Variants in GRIA3 observed in about 807,000 individuals in gnomAD.
The protein encoded by GRIA3 is glutamate ionotropic receptor AMPA type subunit 3.
A neutral mutation model predicts 63.0 loss-of-function variants in GRIA3; 3 were observed. The ratio of observed to expected loss-of-function variants is 0.05; its 90% CI spans 0.02 to 0.12. GRIA3 has a LOEUF of 0.12. Among genes scored for constraint, GRIA3 ranks in the 10% least tolerant of loss-of-function variants. The probability of loss-of-function intolerance (pLI) is 1.00; values close to 1 mark genes in which losing one functional copy is unlikely to be tolerated. For missense variants in GRIA3, 347 were observed against 700.9 expected (o/e 0.50, Z 5.70); for synonymous variants, 274 against 257.9 (o/e 1.06, Z -0.60).
intron 3 of GRIA3, among the ~76,000 whole-genome samples, chrX:123,258,368 A>G (rs1426729226): frequency 1.8e-5 from 2 of 112,752 alleles, no homozygotes; most frequent in Non-Finnish European, 3.7e-5. Flanking sequence ...TTCTGTGAAT[A>G]CAGAACCATA....
chrX:123,209,561 C>T (rs1397116807), intron 2 of GRIA3, among the ~76,000 whole-genome samples: 1 of 111,727 alleles, frequency 9.0e-6, no homozygotes, highest in Non-Finnish European at 1.9e-5. Context: ...CTGAAATGCC[C>T]ACCTAAACTT....
At chrX:123,244,219 T>G (rs1358638400) in intron 2 of GRIA3, among the ~76,000 whole-genome samples, 1 of 112,067 alleles carries the variant, frequency 8.9e-6, no homozygotes, top group East Asian at 2.8e-4. Flanking sequence ...AATCATCAGC[T>G]GGAGAATGGG....
intron 2 of GRIA3, among the ~76,000 whole-genome samples, chrX:123,251,703 G>C (rs1008462596): frequency 9.0e-6 from 1 of 111,528 alleles, no homozygotes; most frequent in African/African-American, 3.3e-5. Flanking sequence ...CAAAGTGCTG[G>C]GATTACAGGC....
chrX:123,234,296 C>A (rs2044291260), intron 2 of GRIA3, among the ~76,000 whole-genome samples: 1 of 111,608 alleles, frequency 9.0e-6, no homozygotes, highest in African/African-American at 3.3e-5. Flanking sequence ...GAATCCATCC[C>A]TTCCACACAC....
At chrX:123,442,597 A>G (rs374857114) in intron 12 of GRIA3, among the ~76,000 whole-genome samples, 7 of 111,765 alleles carry the variant, frequency 6.3e-5, no homozygotes, top group African/African-American at 2.3e-4. Context: ...TAGAGGACTC[A>G]GTAATCTGAT....
rs748489459 is a variant in GRIA3 at position 123,291,443 on chromosome X, T to C, written c.509-34583T>C. On this transcript the variant is annotated intron_variant, in intron 3 of 15. Coordinates refer to ENST00000620443, the MANE Select transcript of GRIA3 (RefSeq NM_007325.5). ...GAGAGGGAGAGAAGAAGGCAAGAGTTGAAAAACTGTTGGGTGCTATGCTCA... is the reference window on the plus strand; with the variant it reads ...GAGAGGGAGAGAAGAAGGCAAGAGTCGAAAAACTGTTGGGTGCTATGCTCA... Among the ~76,000 whole-genome samples the C allele has an allele frequency of 9.0e-5, 10 of 110,541 alleles. No homozygotes were observed. In the South Asian group the frequency reaches 3.5e-3, roughly 39 times the overall value.
chrX:123,191,530 G>T (rs1927434138), intron 2 of GRIA3, among the ~76,000 whole-genome samples: 1 of 111,490 alleles, frequency 9.0e-6, no homozygotes, highest in Admixed American at 9.5e-5. Context: ...GATAGAAATT[G>T]TCTTCCTCAT....
chrX:123,322,942 A>G (rs1480500738), intron 3 of GRIA3, among the ~76,000 whole-genome samples: 2 of 112,450 alleles, frequency 1.8e-5, no homozygotes, highest in Admixed American at 9.4e-5. Flanking sequence ...AAAGTATAAA[A>G]AGATTTGTAA....
chrX:123,235,932 C>T (rs768398981), intron 2 of GRIA3, among the ~76,000 whole-genome samples: 2 of 110,984 alleles, frequency 1.8e-5, no homozygotes, highest in Admixed American at 9.6e-5. Flanking sequence ...ATCTAGAGGT[C>T]ATCTCTTTGC....
In GRIA3 at chrX:123,438,724, T is replaced by C. The variant is rs1171599720; in HGVS notation, c.2076+10585T>C. 2.7e-5 allele frequency among the ~76,000 whole-genome samples: 3 copies of C among 112,242 alleles called. No homozygotes were observed. In the Admixed American group the frequency reaches 2.8e-4, roughly 11 times the overall value. Reference sequence around the variant, plus strand: ...TTTTAGTAGAGATGTGTTTTTACCATGTTGGCCCCTGACCTCGTGATCTGC... The same window carrying C: ...TTTTAGTAGAGATGTGTTTTTACCACGTTGGCCCCTGACCTCGTGATCTGC... On this transcript the variant is annotated intron_variant, in intron 12 of 15. Coordinates refer to ENST00000620443, the MANE Select transcript of GRIA3 (RefSeq NM_007325.5).
intron 12 of GRIA3, among the ~76,000 whole-genome samples, chrX:123,464,256 A>C (rs2045823150): frequency 8.9e-6 from 1 of 111,806 alleles, no homozygotes; most frequent in African/African-American, 3.3e-5. Flanking sequence ...CGTACTCCAT[A>C]CCTTAGCATC....
intron 5 of GRIA3, among the ~76,000 whole-genome samples, chrX:123,355,810 T>G (rs1007479426): frequency 1.8e-5 from 2 of 112,396 alleles, no homozygotes; most frequent in African/African-American, 6.4e-5. Flanking sequence ...ATTGTAATTA[T>G]ATTCTTATAT....
chrX:123,444,235 GC>G (rs1455681602), intron 12 of GRIA3, among the ~76,000 whole-genome samples: 2 of 111,012 alleles, frequency 1.8e-5, no homozygotes, highest in Non-Finnish European at 3.8e-5. Flanking sequence ...GCTTCAGAGA[GC>G]CTCATGCCTC....
chrX:123,467,708 C>A (rs1345535702), intron 13 of GRIA3, among the ~76,000 whole-genome samples: 1 of 112,012 alleles, frequency 8.9e-6, no homozygotes, highest in Non-Finnish European at 1.9e-5. Context: ...CCACATGATG[C>A]CAAGTGCCCA....
At chrX:123,357,366 G>C (rs2045140229) in intron 5 of GRIA3, among the ~76,000 whole-genome samples, 1 of 109,418 alleles carries the variant, frequency 9.1e-6, no homozygotes, top group Non-Finnish European at 1.9e-5. Context: ...CCGATGATCT[G>C]TAAAGGCCTT....
intron 2 of GRIA3, among the ~76,000 whole-genome samples, chrX:123,220,229 T>A (rs1928258230): frequency 8.9e-6 from 1 of 112,086 alleles, no homozygotes; most frequent in African/African-American, 3.2e-5. Context: ...CTATTCAAGG[T>A]CATATGGTGA....
intron 4 of GRIA3, among the ~76,000 whole-genome samples, chrX:123,354,493 C>A (rs1330227972): frequency 9.1e-6 from 1 of 110,346 alleles, no homozygotes; most frequent in Admixed American, 9.7e-5. Flanking sequence ...ATGTTCTATT[C>A]CCTTAGCATT....
At chrX:123,230,910 C>T (rs1365489296) in intron 2 of GRIA3, among the ~76,000 whole-genome samples, 1 of 111,904 alleles carries the variant, frequency 8.9e-6, no homozygotes, top group Non-Finnish European at 1.9e-5. Context: ...GACGTCTCTC[C>T]CTGGTTTAAA....
Position 123,489,578 on chromosome X carries a change from C to T in GRIA3, c.*868C>T, listed in dbSNP as rs369805700. On this transcript the variant is annotated 3_prime_UTR_variant, in exon 16 of 16. Coordinates refer to ENST00000620443, the MANE Select transcript of GRIA3 (RefSeq NM_007325.5). ...GAGCCTGGAATTTCAGCTCACAGAT[C>T]TGTTTTTCTTGCTTCAGTGTGCATT... 1.8e-5 allele frequency: 2 copies of T among 112,186 alleles called. No individual in the cohort carries two copies. Among genetic ancestry groups the T allele is most frequent in the Admixed American group, 1.9e-4 (2 of 10,574 alleles). 9.2% of individuals were successfully genotyped at this position (112,186 alleles called of 1,213,427 possible).
Sources: allele counts gnomAD v4.1 joint callset (sites outside exome capture counted in the v4.1 genomes callset), GRCh38; gene constraint gnomAD v4.1.1; transcripts MANE v1.5; gene names NCBI Gene and HGNC (gene_info 2026-07-23, HGNC 2026-07-21).